The following ZFHX3 variants were observed in gnomAD, a reference collection of about 807,000 sequenced individuals.
The protein encoded by ZFHX3 is zinc finger homeobox protein 3.
In ZFHX3, 42 loss-of-function variants were observed where a neutral mutation model predicts 279.1. The ratio of observed to expected loss-of-function variants is 0.15; its 90% CI spans 0.12 to 0.19. ZFHX3 has a LOEUF of 0.19. Ranked by LOEUF, ZFHX3 falls within the 10% of genes least tolerant of loss-of-function variation. The probability of loss-of-function intolerance (pLI) is 1.00; values close to 1 mark genes in which losing one functional copy is unlikely to be tolerated. For synonymous variants in ZFHX3, 2,293 were observed against 1,957.8 expected (o/e 1.17, Z -4.52); for missense variants, 4,981 against 4,754.0 (o/e 1.05, Z -1.40).
chr16:72,969,602 G>C (rs1275045629), intron 1 of ZFHX3, among the ~76,000 whole-genome samples: 1 of 151,916 alleles, frequency 6.6e-6, no homozygotes, highest in African/African-American at 2.4e-5. Context: ...CTACACTGAA[G>C]CAACTATCCC....
At chr16:73,474,627 T>G (rs2018733439) in intron 2 of ZFHX3, among the ~76,000 whole-genome samples, 1 of 152,094 alleles carries the variant, frequency 6.6e-6, no homozygotes, top group Non-Finnish European at 1.5e-5. Context: ...TGAGTTTTCT[T>G]TAGTCCCCTC....
chr16:72,918,603 G>A (rs1216177805), intron 3 of ZFHX3, among the ~76,000 whole-genome samples: 1 of 152,070 alleles, frequency 6.6e-6, no homozygotes, highest in African/African-American at 2.4e-5. Context: ...TAAAGGATGG[G>A]CTTTATGATA....
intron 3 of ZFHX3, among the ~76,000 whole-genome samples, chr16:72,900,039 G>A (rs574892399): frequency 6.6e-6 from 1 of 151,272 alleles, no homozygotes; most frequent in South Asian, 2.1e-4. Context: ...AACACACACA[G>A]GGCTGCCTTC....
intron 1 of ZFHX3, among the ~76,000 whole-genome samples, chr16:73,710,126 T>A (rs1457944524): frequency 1.3e-5 from 2 of 152,188 alleles, no homozygotes; most frequent in Admixed American, 6.5e-5. Flanking sequence ...GACGTTGCAG[T>A]GAGTTGTGCC....
chr16:73,856,086 T>C (rs1961720155), intron 1 of ZFHX3, among the ~76,000 whole-genome samples: 1 of 152,170 alleles, frequency 6.6e-6, no homozygotes, highest in Non-Finnish European at 1.5e-5. Flanking sequence ...GCCTTACATT[T>C]TAAAAGCAGT....
intron 4 of ZFHX3, among the ~76,000 whole-genome samples, chr16:72,886,562 A>G (rs958986046): frequency 6.6e-6 from 1 of 152,158 alleles, no homozygotes; most frequent in Non-Finnish European, 1.5e-5. Flanking sequence ...TCATTAATAC[A>G]AAAGGAATTC....
At chr16:73,063,451 A>G (rs901955010), upstream of ZFHX3, among the ~76,000 whole-genome samples, 4 of 152,278 alleles carry the variant, frequency 2.6e-5, no homozygotes, top group East Asian at 7.7e-4. Flanking sequence ...CTTTTCTGGT[A>G]GAGATGCGGG....
intron 3 of ZFHX3, among the ~76,000 whole-genome samples, chr16:72,892,666 C>T (rs897952142): frequency 2.6e-5 from 4 of 152,086 alleles, no homozygotes; most frequent in Admixed American, 2.0e-4. Flanking sequence ...AGCCACCACA[C>T]CTAGCTAATT....
At chr16:73,201,714 A>T (rs1968271677) in intron 5 of ZFHX3, among the ~76,000 whole-genome samples, 1 of 152,236 alleles carries the variant, frequency 6.6e-6, no homozygotes, top group Admixed American at 6.5e-5. Context: ...CTTAAAAATA[A>T]TAATGAAGAT....
intron 2 of ZFHX3, among the ~76,000 whole-genome samples, chr16:73,564,777 G>A (rs1420270426): frequency 6.6e-6 from 1 of 152,130 alleles, no homozygotes; most frequent in East Asian, 1.9e-4. Context: ...AGTCTGCTCA[G>A]GTTATAAAAA....
chr16:73,189,048 A>G (rs1159556535), intron 5 of ZFHX3, among the ~76,000 whole-genome samples: 1 of 151,776 alleles, frequency 6.6e-6, no homozygotes, highest in Non-Finnish European at 1.5e-5. Context: ...ATTTTTAGTA[A>G]AGACAGGATT....
In ZFHX3 at chr16:73,006,718, ATCTCT is replaced by A. The variant is rs1409651917; in HGVS notation, c.-50+41029_-50+41033del. Among the ~76,000 whole-genome samples the A allele has an allele frequency of 1.0e-2, 1,510 of 151,732 alleles. 29 individuals carry two copies. The highest frequency in any genetic ancestry group is 0.035 in the African/African-American group (1,445 of 41,018). On this transcript the variant is annotated intron_variant, in intron 1 of 9. Coordinates refer to ENST00000268489, the MANE Select transcript of ZFHX3 (RefSeq NM_006885.4). ...GAAAGGAAGGAAGGTGATCAAATGTATCTCTCACACACATACACACAGACAGACAG... is the reference window on the plus strand; with the variant it reads ...GAAAGGAAGGAAGGTGATCAAATGTACACACACATACACACAGACAGACAG...
chr16:73,674,196 GA>G (rs2052931201), intron 2 of ZFHX3, among the ~76,000 whole-genome samples: 1 of 152,124 alleles, frequency 6.6e-6, no homozygotes, highest in African/African-American at 2.4e-5. Context: ...TTCATATACA[GA>G]AAAGTGTAAA....
At chr16:73,789,615 A>G (rs1383438162) in intron 1 of ZFHX3, among the ~76,000 whole-genome samples, 1 of 152,218 alleles carries the variant, frequency 6.6e-6, no homozygotes, top group African/African-American at 2.4e-5. Context: ...CTAGTATTAC[A>G]GATATGTCAA....
chr16:72,819,441 C>T lies in ZFHX3; in HGVS notation c.3530-7403G>A, dbSNP rs995482868. On this transcript the variant is annotated intron_variant, in intron 5 of 9. Transcript: ENST00000268489. The stretch of plus-strand genomic sequence containing the variant: ...CAAATGCCAGAATGTGTCAGACTCC[C>T]GGGCAGGGCTCATTAAAACACAGAT... Among the ~76,000 whole-genome samples, 14 of 152,148 alleles carry T rather than the reference C, an allele frequency of 9.2e-5. No homozygotes were observed. The East Asian group carries it at 1.2e-3, about 13-fold the overall frequency.
chr16:73,178,382 G>T (rs1189173230), intron 5 of ZFHX3, among the ~76,000 whole-genome samples: 1 of 152,012 alleles, frequency 6.6e-6, no homozygotes, highest in Non-Finnish European at 1.5e-5. Flanking sequence ...CAAGTGATCC[G>T]CCTGCCTCGT....
intron 1 of ZFHX3, among the ~76,000 whole-genome samples, chr16:72,983,630 C>A (rs1465179228): frequency 6.6e-6 from 1 of 152,092 alleles, no homozygotes; most frequent in South Asian, 2.1e-4. Flanking sequence ...TCGCTTGAGC[C>A]CAGGAGTTCG....
chr16:73,486,943 G>T (rs746938013), intron 2 of ZFHX3: 1 of 438,720 alleles, frequency 2.3e-6, no homozygotes, highest in East Asian at 7.0e-5. Context: ...AGGCAATTTG[G>T]GTTACTGGGT....
chr16:73,626,375 G>A (rs879439324), intron 2 of ZFHX3, among the ~76,000 whole-genome samples: 5 of 151,608 alleles, frequency 3.3e-5, no homozygotes, highest in East Asian at 1.9e-4. Flanking sequence ...CCCTCCCCCC[G>A]CCAAAGGAGA....
Sources: gnomAD v4.1 joint callset for allele counts (sites outside exome capture counted in the v4.1 genomes callset) on GRCh38, gnomAD v4.1.1 for gene constraint, MANE v1.5 for transcripts, NCBI Gene and HGNC (gene_info 2026-07-23, HGNC 2026-07-21) for gene names.